Variants in LRRFIP1 observed in about 807,000 individuals in gnomAD.
LRRFIP1 encodes leucine-rich repeat flightless-interacting protein 1.
LRRFIP1 carries 62 observed loss-of-function variants against 104.4 expected under a neutral mutation model. The observed-to-expected ratio is 0.59, with a 90% confidence interval of 0.48 to 0.73. The LOEUF (loss-of-function observed/expected upper bound fraction) is 0.73. Ranked by LOEUF, LRRFIP1 falls within the 30% of genes least tolerant of loss-of-function variation. LRRFIP1 has a pLI of 0.00. For synonymous variants in LRRFIP1, 300 were observed against 299.0 expected (o/e 1.00, Z -0.03); for missense variants, 796 against 824.5 (o/e 0.97, Z 0.42).
intron 8 of LRRFIP1, 131 bp downstream of exon 8, chr2:237,728,066 T>G (rs991271448): frequency 7.8e-6 from 5 of 639,978 alleles, no homozygotes; most frequent in Admixed American, 3.2e-5. Flanking sequence ...GTCTGTCTTT[T>G]TTTTCCTAGC....
intron 1 of LRRFIP1, among the ~76,000 whole-genome samples, chr2:237,705,221 C>T (rs541615372): frequency 2.6e-5 from 4 of 152,342 alleles, no homozygotes; most frequent in Non-Finnish European, 4.4e-5. Context: ...GGACCCCCCT[C>T]AGCTCACAGA....
intron 15 of LRRFIP1, among the ~76,000 whole-genome samples, chr2:237,754,154 A>G (rs1296574466): frequency 1.3e-5 from 2 of 152,198 alleles, no homozygotes; most frequent in African/African-American, 2.4e-5. Flanking sequence ...TTTCCTATTC[A>G]TATGTATTTT....
At chr2:237,741,019 T>C (rs928339315) in intron 11 of LRRFIP1, among the ~76,000 whole-genome samples, 1 of 152,330 alleles carries the variant, frequency 6.6e-6, no homozygotes, top group Middle Eastern at 3.4e-3. Context: ...CCCACTCTTG[T>C]CACACATTTG....
At chr2:237,742,132 G>A (rs1417946942) in intron 11 of LRRFIP1, among the ~76,000 whole-genome samples, 2 of 152,200 alleles carry the variant, frequency 1.3e-5, no homozygotes, top group East Asian at 3.8e-4. Flanking sequence ...TTTGTCATGT[G>A]TTTTCTAAAT....
intron 1 of LRRFIP1, among the ~76,000 whole-genome samples, chr2:237,631,662 C>T (rs920083736): frequency 1.3e-5 from 2 of 152,222 alleles, no homozygotes; most frequent in African/African-American, 4.8e-5. Flanking sequence ...TCACATTCTA[C>T]TGGTGCATTT....
At chr2:237,774,872 T>C (rs1274140016) in intron 23 of LRRFIP1, among the ~76,000 whole-genome samples, 1 of 152,254 alleles carries the variant, frequency 6.6e-6, no homozygotes, top group African/African-American at 2.4e-5. Context: ...CACAGCTGTC[T>C]CAGGTCACCC....
intron 1 of LRRFIP1, among the ~76,000 whole-genome samples, chr2:237,660,245 A>G (rs1298489457): frequency 6.6e-6 from 1 of 152,260 alleles, no homozygotes; most frequent in East Asian, 1.9e-4. Flanking sequence ...TAAAACAGAA[A>G]GAAGTCCAAA....
intron 1 of LRRFIP1, among the ~76,000 whole-genome samples, chr2:237,678,796 C>T (rs1162600818): frequency 6.6e-6 from 1 of 152,176 alleles, no homozygotes; most frequent in Non-Finnish European, 1.5e-5. Flanking sequence ...GTGTGAGCCA[C>T]AGCACCCCGC....
At chr2:237,714,581 A>G (rs1387644240) in intron 3 of LRRFIP1, among the ~76,000 whole-genome samples, 2 of 152,260 alleles carry the variant, frequency 1.3e-5, no homozygotes. Context: ...TATATTTCAG[A>G]ATGTGGATAG....
At chr2:237,772,237 A>G (rs1218421397) in intron 21 of LRRFIP1, 39 bp downstream of exon 21, 2 of 1,502,018 alleles carry the variant, frequency 1.3e-6, no homozygotes, top group East Asian at 2.3e-5. Flanking sequence ...ATGCTTTCAC[A>G]TGTGCTGTTT....
chr2:237,761,412 A>G (rs890068259), intron 19 of LRRFIP1, among the ~76,000 whole-genome samples: 1 of 152,222 alleles, frequency 6.6e-6, no homozygotes, highest in Non-Finnish European at 1.5e-5. Context: ...AAATTAATCA[A>G]TTTCCATCAT....
chr2:237,763,430 A>G (rs1209515887), intron 19 of LRRFIP1: 3 of 1,613,714 alleles, frequency 1.9e-6, no homozygotes, highest in African/African-American at 1.3e-5. Flanking sequence ...AAAGAACAAG[A>G]AAAAGAAAAA....
intron 20 of LRRFIP1, chr2:237,770,489 C>G (rs1333680901): frequency 6.3e-6 from 1 of 158,186 alleles, no homozygotes. Flanking sequence ...CTTCATTGCT[C>G]TCTCCTACCT....
chr2:237,739,551 G>A (rs1194523249), intron 11 of LRRFIP1, among the ~76,000 whole-genome samples: 2 of 152,158 alleles, frequency 1.3e-5, no homozygotes, highest in East Asian at 1.9e-4. Context: ...ACGGATGTGT[G>A]GTTTTCTTTT....
intron 16 of LRRFIP1, among the ~76,000 whole-genome samples, chr2:237,756,426 G>A (rs1019071944): frequency 3.3e-5 from 5 of 152,192 alleles, no homozygotes; most frequent in East Asian, 1.9e-4. Flanking sequence ...TTCCTCCAAC[G>A]GTGGAGAAAA....
In LRRFIP1 at chr2:237,717,019, A is replaced by G. The variant is rs558286665; in HGVS notation, c.202-743A>G. On this transcript the variant is annotated intron_variant, in intron 3 of 23. Transcript: ENST00000308482. The surrounding 1 kb of genome is among the most constrained non-coding windows in gnomAD (Gnocchi z 4.2). Reference sequence around the variant, plus strand: ...AAAACATTATGAAATTTTTTTTGCAATTTTTTTTTTTTAGCTTATCAGCTA... The same window carrying G: ...AAAACATTATGAAATTTTTTTTGCAGTTTTTTTTTTTTAGCTTATCAGCTA... Among the ~76,000 whole-genome samples the G allele has an allele frequency of 1.4e-5, 2 of 147,546 alleles. No individual in the cohort carries two copies. Among genetic ancestry groups the G allele is most frequent in the South Asian group, 2.1e-4 (1 of 4,652 alleles).
chr2:237,702,243 G>A (rs1432668644), intron 1 of LRRFIP1, among the ~76,000 whole-genome samples: 6 of 152,162 alleles, frequency 3.9e-5, no homozygotes, highest in African/African-American at 1.2e-4. Flanking sequence ...AATAGAACTC[G>A]AGTCGTGGTT....
chr2:237,770,488 T>G (rs536289006), intron 20 of LRRFIP1: 1 of 161,594 alleles, frequency 6.2e-6, no homozygotes, highest in South Asian at 1.7e-4. Flanking sequence ...TCTTCATTGC[T>G]CTCTCCTACC....
At chr2:237,719,231 A>G (rs2094453279) in intron 4 of LRRFIP1, among the ~76,000 whole-genome samples, 1 of 152,246 alleles carries the variant, frequency 6.6e-6, no homozygotes, top group South Asian at 2.1e-4. Flanking sequence ...AATGGATCAG[A>G]TGATAGAGGT....
Sources: gnomAD v4.1 joint callset for allele counts (sites outside exome capture counted in the v4.1 genomes callset) on GRCh38, gnomAD v4.1.1 for gene constraint, Gnocchi (gnomAD v3.1) non-coding constraint, MANE v1.5 for transcripts, NCBI Gene and HGNC (gene_info 2026-07-23, HGNC 2026-07-21) for gene names.